FRYL: variants seen among roughly 807,000 people sequenced by gnomAD.
FRYL encodes the protein protein furry homolog-like.
Under a neutral mutation model 351.2 loss-of-function variants are expected in FRYL, and 150 were observed. The ratio of observed to expected loss-of-function variants is 0.43; its 90% confidence interval spans 0.37 to 0.49. The LOEUF (loss-of-function observed/expected upper bound fraction) is 0.49. Ranked by LOEUF, FRYL falls within the 20% of genes least tolerant of loss-of-function variation. The pLI, the probability that FRYL is intolerant of heterozygous loss-of-function variation, is 0.00. For missense variants in FRYL, 3,036 were observed against 3,619.3 expected, an observed-to-expected ratio of 0.84 and a Z score of 4.13; for synonymous variants, 1,153 against 1,257.1, an observed-to-expected ratio of 0.92 and a Z score of 1.75.
Position 48,653,926 on chromosome 4 carries a change from G to A in FRYL, c.-80-19436C>T, listed in dbSNP as rs1758249801. 13 of 1,231,274 alleles carry A rather than the reference G, an allele frequency of 1.1e-5. No individual in the cohort carries two copies. The South Asian group carries it at 1.6e-4, about 15-fold the overall frequency. The allele number at this position is 1,231,274 out of a possible 1,614,324, so 76.3% of individuals were successfully genotyped here. A position where few individuals can be genotyped will look rare whatever the true frequency, so the allele number is the denominator to read the frequency against. On this transcript the variant is annotated intron_variant, in intron 3 of 63. Coordinates refer to ENST00000358350, the MANE Select transcript of FRYL (RefSeq NM_015030.2). Reference sequence around the variant, plus strand: ...ACAGGCAGCAGAGTTTTGGCCCACAGTGCCTTGGCTTCATTACCATGCAGT... The same window carrying A: ...ACAGGCAGCAGAGTTTTGGCCCACAATGCCTTGGCTTCATTACCATGCAGT...
chr4:48,550,413 C>T, intron 38 of FRYL, 179 bp downstream of exon 38: 1 of 548,646 alleles, frequency 1.8e-6, no homozygotes, highest in Non-Finnish European at 3.2e-6. Context: ...AAAAAAATTT[C>T]ACCCAATTAC....
chr4:48,687,509 A>AGGGGGGGGGGGGGGGGGGGGGG (rs1560861203), intron 2 of FRYL, among the ~76,000 whole-genome samples: 1 of 9,812 alleles, frequency 1.0e-4, no homozygotes, highest in Non-Finnish European at 2.1e-4. Flanking sequence ...GGGGGGGGTG[A>AGGGGGGGGGGGGGGGGGGGGGG]GGGGGGAGGG....
chr4:48,702,338 C>T (rs928181541), intron 2 of FRYL, among the ~76,000 whole-genome samples: 12 of 151,058 alleles, frequency 7.9e-5, no homozygotes, highest in Non-Finnish European at 1.6e-4. Context: ...TGTCTGTAAT[C>T]CCAGCTACTC....
At chr4:48,572,632 TTTTAC>T (rs1738596527) in intron 26 of FRYL, among the ~76,000 whole-genome samples, 1 of 152,204 alleles carries the variant, frequency 6.6e-6, no homozygotes, top group South Asian at 2.1e-4. Context: ...TTCTCTATGA[TTTTAC>T]TTGAGTGCGT....
chr4:48,658,253 A>G (rs1759668345), intron 3 of FRYL, among the ~76,000 whole-genome samples: 1 of 152,188 alleles, frequency 6.6e-6, no homozygotes, highest in African/African-American at 2.4e-5. Flanking sequence ...ATTATTCCTC[A>G]TATTGACAGT....
chr4:48,548,659 C>T (rs1370676286), intron 40 of FRYL, 31 bp downstream of exon 40: 2 of 1,145,312 alleles, frequency 1.7e-6, no homozygotes, highest in Admixed American at 3.6e-5. Context: ...AAAAATATAA[C>T]ATGAAAGAAT....
chr4:48,712,473 G>C (rs1342783971), intron 1 of FRYL, among the ~76,000 whole-genome samples: 1 of 152,136 alleles, frequency 6.6e-6, no homozygotes, highest in Non-Finnish European at 1.5e-5. Flanking sequence ...TATCAGCGAT[G>C]GAAGATGAAA....
chr4:48,748,195 G>A (rs938564954), intron 1 of FRYL, among the ~76,000 whole-genome samples: 11 of 151,928 alleles, frequency 7.2e-5, no homozygotes, highest in Admixed American at 7.2e-4. Context: ...GCAGTGAGCT[G>A]AGACCACATC....
At chr4:48,698,965 C>T (rs1018276646) in intron 2 of FRYL, among the ~76,000 whole-genome samples, 12 of 152,226 alleles carry the variant, frequency 7.9e-5, no homozygotes, top group Admixed American at 4.6e-4. Context: ...ACAGCAGCAA[C>T]GACTAATTAC....
chr4:48,564,479 AAAAATGT>A (rs1736283113), intron 30 of FRYL, among the ~76,000 whole-genome samples: 1 of 152,258 alleles, frequency 6.6e-6, no homozygotes, highest in Non-Finnish European at 1.5e-5. Context: ...TCTGAGGGGA[AAAAATGT>A]AAGTCCTATT....
At chr4:48,654,327 C>G (rs1052977497) in intron 3 of FRYL, among the ~76,000 whole-genome samples, 2 of 146,298 alleles carry the variant, frequency 1.4e-5, no homozygotes, top group African/African-American at 5.1e-5. Context: ...AAAACAAAAA[C>G]AAAAAAAACT....
At chr4:48,559,882 A>G (rs1053398940) in intron 33 of FRYL, among the ~76,000 whole-genome samples, 3 of 152,202 alleles carry the variant, frequency 2.0e-5, no homozygotes, top group Non-Finnish European at 1.5e-5. Context: ...GCTAACACCA[A>G]TTGCTGTGGA....
intron 3 of FRYL, among the ~76,000 whole-genome samples, chr4:48,669,000 C>G (rs1409818540): frequency 1.3e-5 from 2 of 152,082 alleles, no homozygotes; most frequent in African/African-American, 4.8e-5. Flanking sequence ...TCTTCTTAAC[C>G]TATTCTACTC....
intron 2 of FRYL, among the ~76,000 whole-genome samples, chr4:48,693,622 TAA>T (rs78951413): frequency 2.1e-4 from 29 of 137,036 alleles, no homozygotes; most frequent in Admixed American, 3.6e-4. Context: ...TTCAGCGATT[TAA>T]AAAAAAAAAA....
At chr4:48,655,957 A>C (rs1480134765) in intron 3 of FRYL, among the ~76,000 whole-genome samples, 2 of 139,150 alleles carry the variant, frequency 1.4e-5, no homozygotes, top group African/African-American at 5.2e-5. Context: ...TTATATGTAC[A>C]TTATATATAA....
Position 48,717,284 on chromosome 4 carries a change from A to C in FRYL, c.-383-6586T>G, listed in dbSNP as rs551805023. Among the ~76,000 whole-genome samples the C allele has an allele frequency of 1.1e-4, 17 of 151,430 alleles. 1 individual carries two copies. The South Asian group carries it at 2.3e-3, about 20-fold the overall frequency. The stretch of plus-strand genomic sequence containing the variant: ...ACTTAAAGTATAATAATAAAAAAAA[A>C]CAAAAAAACATTATGCTAACTGAAA... On this transcript the variant is annotated intron_variant, in intron 1 of 63. Transcript: ENST00000358350.
intron 4 of FRYL, among the ~76,000 whole-genome samples, chr4:48,628,607 T>A (rs1388201859): frequency 6.6e-6 from 1 of 152,098 alleles, no homozygotes; most frequent in African/African-American, 2.4e-5. Flanking sequence ...TAGTGTTCTA[T>A]ACCACTGCAG....
intron 2 of FRYL, among the ~76,000 whole-genome samples, chr4:48,706,501 G>A (rs980415136): frequency 2.0e-5 from 3 of 152,132 alleles, no homozygotes; most frequent in African/African-American, 7.2e-5. Context: ...AAGACGATGG[G>A]GAGTTATTTA....
chr4:48,666,758 TAA>T (rs1761782520), intron 3 of FRYL, among the ~76,000 whole-genome samples: 1 of 152,120 alleles, frequency 6.6e-6, no homozygotes. Context: ...AGTTTTTTTT[TAA>T]AGTTTCTTCA....
Sources: allele counts gnomAD v4.1 joint callset (sites outside exome capture counted in the v4.1 genomes callset), GRCh38; gene constraint gnomAD v4.1.1; transcripts MANE v1.5; gene names NCBI Gene and HGNC (gene_info 2026-07-23, HGNC 2026-07-21).